C7: variants seen among roughly 807,000 people sequenced by gnomAD.
The protein encoded by C7 is complement component C7.
Under a neutral mutation model 104.8 loss-of-function variants are expected in C7, and 83 were observed. The ratio of observed to expected loss-of-function variants is 0.79; its 90% CI spans 0.66 to 0.95. The LOEUF is 0.95. Ranked by LOEUF, C7 falls within the 40% of genes least tolerant of loss-of-function variation. The pLI is 0.00. For missense variants in C7, 1,070 were observed against 1,011.2 expected (o/e 1.06, Z -0.79); for synonymous variants, 415 against 360.6 (o/e 1.15, Z -1.71).
intron 1 of C7, among the ~76,000 whole-genome samples, chr5:40,922,915 G>T (rs1489909040): frequency 6.6e-6 from 1 of 152,082 alleles, no homozygotes; most frequent in Non-Finnish European, 1.5e-5. Context: ...AATGGTCTAG[G>T]CAACGTTTTT....
Position 40,964,734 on chromosome 5 carries a change from T to G in C7, c.1750-7T>G, listed in dbSNP as rs752697668. The G allele has an allele frequency of 6.2e-7, 1 of 1,610,004 alleles. No homozygotes were observed. Among genetic ancestry groups the G allele is most frequent in the Non-Finnish European group, 8.5e-7 (1 of 1,177,878 alleles). The stretch of plus-strand genomic sequence containing the variant: ...TCTTTCCTTTTCCATCTTTTACTTT[T>G]GTTTAGGATGAAGGTACAATGTTTC... On this transcript the variant is annotated splice_polypyrimidine_tract_variant and splice_region_variant and intron_variant, in intron 13 of 17. Transcript: ENST00000313164.
rs1156578432 is a variant in C7, at chr5:40,958,034, T to C, written c.1262T>C (p.Leu421Pro). ...ACTATAATGTCTTTATCTCTATAGCTGACACCTTTATATGAGCTGGTAAAG... is the reference window on the plus strand; with the variant it reads ...ACTATAATGTCTTTATCTCTATAGCCGACACCTTTATATGAGCTGGTAAAG... ...TNLPQVIKQK[L>P]TPLYELVKEV... Residue 421 changes from leucine (L) to proline (P), a missense_variant and splice_region_variant, in exon 11 of 18, where the codon CTG (leucine) becomes CCG (proline). By Grantham distance (98) the Leu-to-Pro change is moderately conservative (BLOSUM62 -3). Transcript: ENST00000313164. The C allele has an allele frequency of 6.2e-7, 1 of 1,609,238 alleles. No individual in the cohort carries two copies. Among genetic ancestry groups the C allele is most frequent in the South Asian group, 1.1e-5 (1 of 90,584 alleles).
Position 40,945,196 on chromosome 5 carries a change from A to T in C7, c.568-2A>T. On this transcript the variant is annotated splice_acceptor_variant, in intron 6 of 17. Coordinates refer to ENST00000313164, the MANE Select transcript of C7 (RefSeq NM_000587.4). LOFTEE classifies it high-confidence loss of function. Reference sequence around the variant, plus strand: ...TAGCAAAATTTTTCATTTTCTTTGTAGGTGAAAATAAATAATGATTTTAAT... The same window carrying T: ...TAGCAAAATTTTTCATTTTCTTTGTTGGTGAAAATAAATAATGATTTTAAT... The T allele has an allele frequency of 7.0e-7, 1 of 1,434,420 alleles. No individual in the cohort carries two copies. The highest frequency in any genetic ancestry group is 1.3e-5 in the South Asian group (1 of 74,614). The allele number at this position is 1,434,420 out of a possible 1,614,324, so 88.9% of individuals were successfully genotyped here.
chr5:40,911,340 C>T (rs1005365706), intron 1 of C7, among the ~76,000 whole-genome samples: 1 of 152,210 alleles, frequency 6.6e-6, no homozygotes, highest in African/African-American at 2.4e-5. Context: ...ACAGCCCCCA[C>T]GTGAACTAAA....
In C7 at chr5:40,947,756, AG is replaced by A; in HGVS notation, c.894del (p.Gln298HisfsTer12). ...DYSAYRRLID[Q>X]YGTHYLQSGS... is the part of the protein sequence containing the mutation. The stretch of plus-strand genomic sequence containing the variant: ...AGTGCCTACCGAAGATTAATCGACC[AG>A]TACGGGACACATTATCTGCAATCTG... On this transcript the variant is annotated frameshift_variant, in exon 8 of 18. Coordinates refer to ENST00000313164, the MANE Select transcript of C7 (RefSeq NM_000587.4). LOFTEE classifies it high-confidence loss of function. The A allele has an allele frequency of 1.2e-6, 2 of 1,613,794 alleles. No homozygotes were observed. The highest frequency in any genetic ancestry group is 1.7e-6 in the Non-Finnish European group (2 of 1,179,740).
intron 3 of C7, among the ~76,000 whole-genome samples, chr5:40,932,083 T>C (rs1349050191): frequency 6.6e-6 from 1 of 152,138 alleles, no homozygotes; most frequent in Admixed American, 6.5e-5. Flanking sequence ...AAGAAACAAA[T>C]TATATAACAG....
rs147659654 is a variant in C7, at chr5:40,926,521, C to T, written c.7-2059C>T. On this transcript the variant is annotated intron_variant, in intron 1 of 17. Coordinates refer to ENST00000313164, the MANE Select transcript of C7 (RefSeq NM_000587.4). ...ACAATCTTATATGTAGAAAACCCTA[C>T]AGACTCCACCAGAAAACTGTTAGAA... 2.1e-3 allele frequency among the ~76,000 whole-genome samples: 322 copies of T among 152,300 alleles called. 2 individuals carry two copies. The highest frequency in any genetic ancestry group is 7.5e-3 in the African/African-American group (312 of 41,570).
chr5:40,980,579 C>T (rs868409228), intron 17 of C7, among the ~76,000 whole-genome samples: 1 of 152,244 alleles, frequency 6.6e-6, no homozygotes, highest in Non-Finnish European at 1.5e-5. Flanking sequence ...AAGAGCACAG[C>T]AAACCTCCCA....
intron 6 of C7, among the ~76,000 whole-genome samples, chr5:40,942,527 A>T (rs1375384401): frequency 6.6e-6 from 1 of 152,218 alleles, no homozygotes. Flanking sequence ...GTTTTTGTAA[A>T]GAAAGAGGTA....
chr5:40,955,151 A>G (rs1226032790), intron 9 of C7, among the ~76,000 whole-genome samples: 2 of 152,122 alleles, frequency 1.3e-5, no homozygotes, highest in African/African-American at 4.8e-5. Context: ...TTGAACATTT[A>G]ATGACTTTTG....
At chr5:40,920,134 T>C (rs976070103) in intron 1 of C7, among the ~76,000 whole-genome samples, 11 of 151,972 alleles carry the variant, frequency 7.2e-5, no homozygotes, top group Admixed American at 5.9e-4. Flanking sequence ...ATACAAAAGA[T>C]CATCAGGGAC....
chr5:40,925,591 A>G (rs1000327834), intron 1 of C7, among the ~76,000 whole-genome samples: 4 of 152,184 alleles, frequency 2.6e-5, no homozygotes, highest in African/African-American at 9.7e-5. Flanking sequence ...CCCAATTCTC[A>G]GTACCAATTT....
chr5:40,917,496 CTT>C (rs1739342561), intron 1 of C7, among the ~76,000 whole-genome samples: 1 of 152,106 alleles, frequency 6.6e-6, no homozygotes, highest in East Asian at 1.9e-4. Flanking sequence ...CATTGTGTCT[CTT>C]TACCACATTT....
chr5:40,909,647 T>A lies in C7; in HGVS notation c.6+31T>A, dbSNP rs561756330. On this transcript the variant is annotated intron_variant, in intron 1 of 17. Coordinates refer to ENST00000313164, the MANE Select transcript of C7 (RefSeq NM_000587.4). ...ACAATAAATTCATTACTTTTGTAAA[T>A]GAAGCTATCTTTTCAAATGAACGGG... 235 of 1,484,662 alleles carry A rather than the reference T, an allele frequency of 1.6e-4. 1 individual carries two copies. In the African/African-American group the frequency reaches 3.0e-3, roughly 19 times the overall value. 92.0% of individuals were successfully genotyped at this position (1,484,662 alleles called of 1,614,324 possible).
At chr5:40,976,931 T>A in intron 16 of C7, 91 bp downstream of exon 16, 2 of 991,450 alleles carry the variant, frequency 2.0e-6, no homozygotes, top group Non-Finnish European at 3.0e-6. Context: ...ATGGAAGGTG[T>A]AGCTTACCAA....
chr5:40,956,592 A>G (rs1443966330), intron 10 of C7, among the ~76,000 whole-genome samples: 3 of 152,256 alleles, frequency 2.0e-5, no homozygotes, highest in African/African-American at 7.2e-5. Flanking sequence ...ATCAATCTCA[A>G]TGGAACAAAT....
chr5:40,928,965 G>A (rs1414248954), intron 2 of C7, among the ~76,000 whole-genome samples: 1 of 152,106 alleles, frequency 6.6e-6, no homozygotes, highest in Non-Finnish European at 1.5e-5. Context: ...ATCTTTAAAT[G>A]TAATCCTTGC....
intron 1 of C7, among the ~76,000 whole-genome samples, chr5:40,924,409 G>A (rs1287856388): frequency 1.3e-5 from 2 of 152,204 alleles, no homozygotes. Context: ...TTGCTCTCAT[G>A]GGTTGGAGTT....
chr5:40,929,411 G>A (rs2455308), intron 2 of C7, among the ~76,000 whole-genome samples: 34,499 of 151,942 alleles, frequency 0.23, 4,099 homozygotes, highest in East Asian at 0.32. Flanking sequence ...ATTGTTCAAG[G>A]GTCAAAAGTA....
Sources: allele counts gnomAD v4.1 joint callset (sites outside exome capture counted in the v4.1 genomes callset), GRCh38; gene constraint gnomAD v4.1.1; transcripts MANE v1.5; gene names NCBI Gene and HGNC (gene_info 2026-07-23, HGNC 2026-07-21).